The following MKLN1 variants were observed in gnomAD, a reference collection of about 807,000 sequenced individuals.
MKLN1 encodes muskelin.
In MKLN1, 18 loss-of-function variants were observed where a neutral mutation model predicts 99.0. The observed-to-expected ratio is 0.18, with a 90% CI of 0.13 to 0.27. The LOEUF is 0.27. Ranked by LOEUF, MKLN1 falls within the 10% of genes least tolerant of loss-of-function variation. MKLN1 has a pLI of 1.00. For synonymous variants in MKLN1, 288 were observed against 293.2 expected (o/e 0.98, Z 0.18); for missense variants, 621 against 875.9 (o/e 0.71, Z 3.67).
upstream of MKLN1, chr7:131,323,858 A>G (rs1459934911): frequency 6.6e-6 from 1 of 152,204 alleles, no homozygotes; most frequent in Admixed American, 6.5e-5. Context: ...AGACCCTCGT[A>G]TTACGTCCAC....
intron 9 of MKLN1, among the ~76,000 whole-genome samples, chr7:131,433,275 G>A (rs917414616): frequency 2.0e-5 from 3 of 152,078 alleles, no homozygotes; most frequent in Admixed American, 6.5e-5. Flanking sequence ...GTTTTCTTAG[G>A]ATTGGATTTA....
intron 1 of MKLN1, among the ~76,000 whole-genome samples, chr7:131,126,700 C>A (rs544917318): frequency 6.6e-6 from 1 of 152,146 alleles, no homozygotes; most frequent in African/African-American, 2.4e-5. Flanking sequence ...GTTACAGGTG[C>A]GTGCCACTGT....
intron 2 of MKLN1, chr7:131,142,954 G>A: frequency 1.5e-6 from 2 of 1,304,778 alleles, no homozygotes; most frequent in Non-Finnish European, 2.0e-6. Context: ...AAGTGTTGAT[G>A]TTTTAGTTTT....
intron 3 of MKLN1, among the ~76,000 whole-genome samples, chr7:131,248,373 C>G (rs940560687): frequency 6.6e-6 from 1 of 152,132 alleles, no homozygotes; most frequent in Non-Finnish European, 1.5e-5. Context: ...CCCTCTATCT[C>G]TGCTGGTACC....
At chr7:131,261,768 T>C (rs1278963922) in intron 3 of MKLN1, among the ~76,000 whole-genome samples, 1 of 151,794 alleles carries the variant, frequency 6.6e-6, no homozygotes, top group Non-Finnish European at 1.5e-5. Context: ...AGTGGTAGAC[T>C]GAATAAAGAA....
intron 1 of MKLN1, among the ~76,000 whole-genome samples, chr7:131,140,775 T>G (rs1795718860): frequency 5.8e-5 from 2 of 34,552 alleles, no homozygotes; most frequent in East Asian, 6.3e-4. Context: ...CACACCATCC[T>G]TTTTTTTTTT....
At chr7:131,242,557 C>A in intron 3 of MKLN1, 1 of 382,580 alleles carries the variant, frequency 2.6e-6, no homozygotes, top group South Asian at 2.5e-5. Context: ...AAGGAAAGTT[C>A]CTTTTTGCTA....
chr7:131,164,773 T>C lies in MKLN1; in HGVS notation c.-297+21832T>C, dbSNP rs146090477. On this transcript the variant is annotated intron_variant, in intron 2 of 7. Coordinates refer to the MKLN1 transcript ENST00000416992. Reference sequence around the variant, plus strand: ...GAAGGAAGACAGAGAGAGAATGGTATTGGGAAAGGGATAGGGAGCTGGGAA... The same window carrying C: ...GAAGGAAGACAGAGAGAGAATGGTACTGGGAAAGGGATAGGGAGCTGGGAA... Among the ~76,000 whole-genome samples, 548 of 152,292 alleles carry C rather than the reference T, an allele frequency of 3.6e-3. 2 individuals are homozygous for C. The highest frequency in any genetic ancestry group is 0.013 in the African/African-American group (520 of 41,570).
chr7:131,234,723 C>CT (rs1207068682), intron 3 of MKLN1, among the ~76,000 whole-genome samples: 2 of 152,200 alleles, frequency 1.3e-5, no homozygotes, highest in African/African-American at 4.8e-5. Context: ...TTTAGCATCA[C>CT]TTTCCCTGGA....
intron 3 of MKLN1, among the ~76,000 whole-genome samples, chr7:131,288,662 A>T (rs2116594353): frequency 6.6e-6 from 1 of 152,256 alleles, no homozygotes; most frequent in Non-Finnish European, 1.5e-5. Flanking sequence ...CGCCCTAGCA[A>T]CTGGGTTATC....
chr7:131,470,308 T>C (rs1796782807), intron 15 of MKLN1, among the ~76,000 whole-genome samples: 1 of 152,256 alleles, frequency 6.6e-6, no homozygotes, highest in Non-Finnish European at 1.5e-5. Context: ...GTTGCTGCAG[T>C]TGTTTTTACT....
intron 8 of MKLN1, among the ~76,000 whole-genome samples, chr7:131,419,246 A>ATTTT (rs1054663966): frequency 3.7e-5 from 4 of 107,252 alleles, no homozygotes; most frequent in Admixed American, 1.9e-4. Flanking sequence ...ATATATATAT[A>ATTTT]TTTTTGTTTT....
chr7:131,227,342 T>TTCTTTCTTTCCTTC (rs1797162700), intron 3 of MKLN1, among the ~76,000 whole-genome samples: 1 of 152,052 alleles, frequency 6.6e-6, no homozygotes, highest in Non-Finnish European at 1.5e-5. Context: ...TTCTTTTCTT[T>TTCTTTCTTTCCTTC]TCTTTCTTTC....
chr7:131,278,174 C>G (rs975437408), intron 3 of MKLN1, among the ~76,000 whole-genome samples: 8 of 152,102 alleles, frequency 5.3e-5, no homozygotes, highest in African/African-American at 1.9e-4. Flanking sequence ...CCCTGAATAG[C>G]TGGGACTACA....
intron 3 of MKLN1, among the ~76,000 whole-genome samples, chr7:131,302,240 A>T (rs1228555144): frequency 6.6e-6 from 1 of 152,182 alleles, no homozygotes; most frequent in African/African-American, 2.4e-5. Context: ...CTCAATAACC[A>T]GGTGTACGCC....
chr7:131,163,912 G>A (rs931278103), intron 2 of MKLN1, among the ~76,000 whole-genome samples: 2 of 152,008 alleles, frequency 1.3e-5, no homozygotes, highest in Admixed American at 6.6e-5. Flanking sequence ...TTCAAATACC[G>A]AAGAGGATGC....
chr7:131,354,832 G>A lies in MKLN1; in HGVS notation c.99-20592G>A, dbSNP rs79331479. On this transcript the variant is annotated intron_variant, in intron 1 of 17. Transcript: ENST00000352689. ...TGGCTGTACATCATTTATATCTATC[G>A]AAACATTTAAATACATCATTTATTA... 1.9e-4 allele frequency among the ~76,000 whole-genome samples: 29 copies of A among 152,156 alleles called. 1 individual carries two copies. In the East Asian group the frequency reaches 4.4e-3, roughly 23 times the overall value.
intron 3 of MKLN1, among the ~76,000 whole-genome samples, chr7:131,280,742 G>A (rs778035833): frequency 3.3e-5 from 5 of 151,714 alleles, no homozygotes; most frequent in South Asian, 2.1e-4. Context: ...TCCACCTTCC[G>A]GGTTAATGCA....
rs930472589 is a variant in MKLN1, at chr7:131,385,332, T to G, written c.169-1788T>G. Among the ~76,000 whole-genome samples the G allele has an allele frequency of 2.6e-5, 4 of 152,214 alleles. No homozygotes were observed. The East Asian group carries it at 5.8e-4, about 22-fold the overall frequency. The stretch of plus-strand genomic sequence containing the variant: ...CTGTGAACATTCATGTACGACTGTT[T>G]GTTTGTATACCTTTTTTTTTTTTCC... On this transcript the variant is annotated intron_variant, in intron 2 of 17. Coordinates refer to ENST00000352689, the MANE Select transcript of MKLN1 (RefSeq NM_013255.5).
Sources: allele counts gnomAD v4.1 joint callset (sites outside exome capture counted in the v4.1 genomes callset), GRCh38; gene constraint gnomAD v4.1.1; transcripts MANE v1.5; gene names NCBI Gene and HGNC (gene_info 2026-07-23, HGNC 2026-07-21).